Variants in STXBP5L observed in about 807,000 individuals in gnomAD.
The protein encoded by STXBP5L is syntaxin-binding protein 5-like.
A neutral mutation model predicts 144.5 loss-of-function variants in STXBP5L; 65 were observed. The observed-to-expected ratio is 0.45, with a 90% CI of 0.37 to 0.55. The LOEUF is 0.55. STXBP5L is among the 20% of genes least tolerant of loss of function. STXBP5L has a pLI of 0.00. For synonymous variants in STXBP5L, 505 were observed against 469.6 expected (o/e 1.08, Z -0.97); for missense variants, 1,298 against 1,405.5 (o/e 0.92, Z 1.22).
intron 24 of STXBP5L, 83 bp from the exon 25 acceptor site, chr3:121,415,774 C>T (rs1427719662): frequency 3.5e-6 from 3 of 856,112 alleles, no homozygotes; most frequent in Admixed American, 2.5e-5. Context: ...CATGATGTGT[C>T]CTACTATATC....
Position 121,143,890 on chromosome 3 carries a change from G to T in STXBP5L, c.670-8587G>T, listed in dbSNP as rs758420918. Among the ~76,000 whole-genome samples, 6 of 151,802 alleles carry T rather than the reference G, an allele frequency of 4.0e-5. No individual in the cohort carries two copies. In the East Asian group the frequency reaches 9.7e-4, roughly 24 times the overall value. Reference sequence around the variant, plus strand: ...AAACTCTGAAATATGTAGAAAAAACGTAGAAGAAAAGCTTCATGACGCTGG... The same window carrying T: ...AAACTCTGAAATATGTAGAAAAAACTTAGAAGAAAAGCTTCATGACGCTGG... On this transcript the variant is annotated intron_variant, in intron 7 of 26. Coordinates refer to ENST00000471454, the MANE Select transcript of STXBP5L (RefSeq NM_001308330.2).
At chr3:121,225,746 C>T (rs2049103079) in intron 11 of STXBP5L, among the ~76,000 whole-genome samples, 1 of 152,200 alleles carries the variant, frequency 6.6e-6, no homozygotes, top group Non-Finnish European at 1.5e-5. Flanking sequence ...TTTTATTATT[C>T]CCTTGGTCTG....
intron 3 of STXBP5L, among the ~76,000 whole-genome samples, chr3:120,961,209 C>T (rs1488618475): frequency 1.0e-5 from 1 of 99,604 alleles, no homozygotes; most frequent in African/African-American, 4.1e-5. Flanking sequence ...TTTTTTTTTC[C>T]CCCGTGATAC....
rs898855186 is a variant in STXBP5L at position 121,238,829 on chromosome 3, A to G, written c.1185-142A>G. 1.4e-5 allele frequency: 11 copies of G among 790,836 alleles called. No individual in the cohort carries two copies. The Admixed American group carries it at 4.5e-4, about 32-fold the overall frequency. 49.0% of individuals were successfully genotyped at this position (790,836 alleles called of 1,614,324 possible). The stretch of plus-strand genomic sequence containing the variant: ...TATTACAAAAAGAGCATTTTTGTTC[A>G]TACAATTCTTGTTTTATGGTACTTA... On this transcript the variant is annotated intron_variant, in intron 12 of 26. Coordinates refer to ENST00000471454, the MANE Select transcript of STXBP5L (RefSeq NM_001308330.2).
chr3:121,032,487 T>C (rs550909972), intron 3 of STXBP5L, among the ~76,000 whole-genome samples: 1 of 151,766 alleles, frequency 6.6e-6, no homozygotes, highest in Admixed American at 6.6e-5. Context: ...AACCTAGGCA[T>C]TACCATTCAG....
chr3:121,065,071 T>G (rs1576833067), intron 5 of STXBP5L, among the ~76,000 whole-genome samples: 1 of 52,378 alleles, frequency 1.9e-5, no homozygotes, highest in African/African-American at 7.9e-5. Context: ...AAGGTTGTGA[T>G]TTTTTTTTTT....
At chr3:121,292,479 G>A (rs1310092354) in intron 19 of STXBP5L, among the ~76,000 whole-genome samples, 1 of 152,166 alleles carries the variant, frequency 6.6e-6, no homozygotes. Context: ...AAAACAGTAT[G>A]AAGATTCCTT....
In STXBP5L at chr3:121,053,039, G is replaced by A. The variant is rs542412106; in HGVS notation, c.470+7504G>A. ...AAATACCTTGGAATCCACCTTACAG[G>A]GACGTGAAGGACCTCTTCAAGGAGA... On this transcript the variant is annotated intron_variant, in intron 5 of 26. Transcript: ENST00000471454. Among the ~76,000 whole-genome samples the A allele has an allele frequency of 5.7e-4, 87 of 152,202 alleles. 2 individuals are homozygous for A. The South Asian group carries it at 0.015, about 26-fold the overall frequency.
chr3:121,016,714 A>G (rs1004038278), intron 3 of STXBP5L, among the ~76,000 whole-genome samples: 2 of 152,202 alleles, frequency 1.3e-5, no homozygotes, highest in Admixed American at 6.5e-5. Flanking sequence ...TTTGAAAGAC[A>G]TAATGTAGCA....
At chr3:121,385,791 T>A (rs750273945) in intron 22 of STXBP5L, among the ~76,000 whole-genome samples, 2 of 152,116 alleles carry the variant, frequency 1.3e-5, no homozygotes, top group African/African-American at 2.4e-5. Flanking sequence ...ACTCCCTAAG[T>A]CAAACTTATT....
chr3:121,234,038 T>A (rs139487615), intron 12 of STXBP5L, among the ~76,000 whole-genome samples: 128 of 152,260 alleles, frequency 8.4e-4, no homozygotes, highest in African/African-American at 3.0e-3. Context: ...AGAAGTATTA[T>A]TGCACTACTG....
chr3:121,127,896 T>C (rs185732193), intron 7 of STXBP5L, among the ~76,000 whole-genome samples: 10 of 151,962 alleles, frequency 6.6e-5, no homozygotes, highest in Admixed American at 6.6e-4. Flanking sequence ...GACCGTGTAA[T>C]GACTTCACCT....
intron 2 of STXBP5L, among the ~76,000 whole-genome samples, chr3:120,913,618 T>C (rs376144163): frequency 7.2e-5 from 11 of 152,090 alleles, no homozygotes; most frequent in African/African-American, 2.2e-4. Context: ...TGAATGTTGG[T>C]TCTGTGATTG....
chr3:121,240,416 A>ATTCTT (rs772226576), intron 13 of STXBP5L, 24 bp from the exon 14 acceptor site: 87 of 1,608,234 alleles, frequency 5.4e-5, no homozygotes, highest in Non-Finnish European at 7.0e-5. Flanking sequence ...ATGTATATAT[A>ATTCTT]TTCTTTCTGG....
At position 121,279,961 on chromosome 3, in the gene STXBP5L, G is replaced by A. The variant is rs777042441; in HGVS notation, c.2110+5G>A. ...AAAACAAACAGTTCATTGCAGGTAG[G>A]AGATAAAACAAGATGAGTTATGAAC... On this transcript the variant is annotated splice_donor_5th_base_variant and intron_variant, in intron 19 of 26. Coordinates refer to ENST00000471454, the MANE Select transcript of STXBP5L (RefSeq NM_001308330.2). The A allele has an allele frequency of 2.0e-5, 32 of 1,609,650 alleles. No homozygotes were observed. The highest frequency in any genetic ancestry group is 2.6e-5 in the Non-Finnish European group (31 of 1,177,934).
chr3:121,074,039 A>G (rs1301471728), intron 5 of STXBP5L, among the ~76,000 whole-genome samples: 2 of 152,146 alleles, frequency 1.3e-5, no homozygotes, highest in African/African-American at 4.8e-5. Flanking sequence ...AGCCAACAAT[A>G]CATCATCCAT....
chr3:121,283,212 G>A (rs1030817438), intron 19 of STXBP5L, among the ~76,000 whole-genome samples: 1 of 151,904 alleles, frequency 6.6e-6, no homozygotes, highest in Non-Finnish European at 1.5e-5. Flanking sequence ...TTTGTAACCT[G>A]AATTCCTTCA....
In STXBP5L at chr3:121,413,193, A is replaced by T; in HGVS notation, c.2984A>T (p.Tyr995Phe). 1.2e-6 allele frequency: 2 copies of T among 1,605,616 alleles called. No individual in the cohort carries two copies. Among genetic ancestry groups the T allele is most frequent in the African/African-American group, 2.7e-5 (2 of 74,700 alleles). ...CTTCGCCCAATGTTGGATGTTAATT[A>T]TTTGCCACTGACAGACATGAGGATA... ...PSLRPMLDVN[Y>F]LPLTDMRIAR... The change falls in exon 24 of 27, where the codon TAT becomes TTT. Residue 995 changes from tyrosine (Y) to phenylalanine (F), a missense_variant. By Grantham distance (22) the Tyr-to-Phe change is conservative. Transcript: ENST00000471454.
chr3:120,961,137 G>A (rs1454467368), intron 3 of STXBP5L, among the ~76,000 whole-genome samples: 1 of 150,296 alleles, frequency 6.7e-6, no homozygotes, highest in Non-Finnish European at 1.5e-5. Context: ...TTTCTAATGA[G>A]CCTTTGTATT....
Sources: allele counts gnomAD v4.1 joint callset (sites outside exome capture counted in the v4.1 genomes callset), GRCh38; gene constraint gnomAD v4.1.1; transcripts MANE v1.5; gene names NCBI Gene and HGNC (gene_info 2026-07-23, HGNC 2026-07-21).